FNBP1L: variants seen among roughly 807,000 people sequenced by gnomAD.
FNBP1L encodes the protein formin binding protein 1 like.
FNBP1L carries 36 observed loss-of-function variants against 91.2 expected under a neutral mutation model. The ratio of observed to expected loss-of-function variants is 0.39; its 90% CI spans 0.30 to 0.52. The LOEUF is 0.52. FNBP1L is among the 20% of genes least tolerant of loss of function. FNBP1L has a pLI of 0.66. For missense variants in FNBP1L, 571 were observed against 732.1 expected (o/e 0.78, Z 2.54); for synonymous variants, 242 against 237.0 (o/e 1.02, Z -0.19).
intron 1 of FNBP1L, among the ~76,000 whole-genome samples, chr1:93,482,439 A>T (rs1379729240): frequency 6.6e-6 from 1 of 151,440 alleles, no homozygotes. Context: ...AAATTTTTTT[A>T]TAAATATGCT....
chr1:93,448,365 C>G, intron 1 of FNBP1L, 60 bp downstream of exon 1: 1 of 1,454,232 alleles, frequency 6.9e-7, no homozygotes, highest in Non-Finnish European at 9.0e-7. Context: ...GCGGGTTGGG[C>G]GGGCGCCGCG....
At chr1:93,479,881 G>A (rs1457383856) in intron 1 of FNBP1L, among the ~76,000 whole-genome samples, 1 of 152,122 alleles carries the variant, frequency 6.6e-6, no homozygotes, top group Non-Finnish European at 1.5e-5. Flanking sequence ...GTGGTCCTGA[G>A]GTGACGTACA....
At chr1:93,543,104 A>C (rs1672106485) in intron 11 of FNBP1L, among the ~76,000 whole-genome samples, 1 of 152,132 alleles carries the variant, frequency 6.6e-6, no homozygotes, top group Non-Finnish European at 1.5e-5. Context: ...TTATTCTTAG[A>C]ATAACCATTT....
intron 15 of FNBP1L, 84 bp downstream of exon 15, chr1:93,549,510 A>G (rs1382520200): frequency 2.8e-6 from 3 of 1,059,012 alleles, no homozygotes; most frequent in Admixed American, 3.5e-5. Flanking sequence ...TAGTATCCTT[A>G]TTTAAGTAAT....
intron 1 of FNBP1L, among the ~76,000 whole-genome samples, chr1:93,473,046 G>A (rs1669360280): frequency 6.6e-6 from 1 of 151,988 alleles, no homozygotes; most frequent in African/African-American, 2.4e-5. Context: ...CTGGTTCACT[G>A]TTAGCAAATG....
intron 2 of FNBP1L, among the ~76,000 whole-genome samples, chr1:93,505,923 C>T (rs1012120452): frequency 6.6e-6 from 1 of 152,104 alleles, no homozygotes; most frequent in Non-Finnish European, 1.5e-5. Context: ...GTGATCCACC[C>T]GTCTTGGCCT....
intron 8 of FNBP1L, among the ~76,000 whole-genome samples, chr1:93,534,174 A>G (rs1175763709): frequency 6.6e-6 from 1 of 152,166 alleles, no homozygotes; most frequent in East Asian, 1.9e-4. Context: ...TTGCTCTGTT[A>G]ACATTCCACA....
chr1:93,550,440 G>A (rs571218982), intron 15 of FNBP1L, among the ~76,000 whole-genome samples: 3 of 152,260 alleles, frequency 2.0e-5, no homozygotes, highest in African/African-American at 7.2e-5. Flanking sequence ...GCGTGGTTGG[G>A]GATAGAGAGT....
At chr1:93,549,512 T>G in intron 15 of FNBP1L, 86 bp downstream of exon 15, 1 of 1,040,312 alleles carries the variant, frequency 9.6e-7, no homozygotes, top group Non-Finnish European at 1.3e-6. Context: ...GTATCCTTAT[T>G]TAAGTAATAT....
chr1:93,527,005 A>G (rs1156745187), intron 5 of FNBP1L, among the ~76,000 whole-genome samples: 1 of 152,160 alleles, frequency 6.6e-6, no homozygotes, highest in Non-Finnish European at 1.5e-5. Context: ...GATTTTATGT[A>G]TGAGTATTTA....
At chr1:93,529,035 G>A (rs1444596665) in intron 5 of FNBP1L, among the ~76,000 whole-genome samples, 3 of 151,922 alleles carry the variant, frequency 2.0e-5, no homozygotes, top group East Asian at 1.9e-4. Context: ...GATGTTCTTC[G>A]TGGGACACCT....
chr1:93,482,309 A>G lies in FNBP1L; in HGVS notation c.25-17159A>G, dbSNP rs74738233. On this transcript the variant is annotated intron_variant, in intron 1 of 16. Coordinates refer to ENST00000271234, the MANE Select transcript of FNBP1L (RefSeq NM_001164473.3). The stretch of plus-strand genomic sequence containing the variant: ...TACTTTTCTCCTAGTATATCTGTTA[A>G]TTATTACTGTAAACATATGATTTAT... Among the ~76,000 whole-genome samples the G allele has an allele frequency of 3.2e-3, 489 of 152,240 alleles. 2 individuals are homozygous for G. Among genetic ancestry groups the G allele is most frequent in the African/African-American group, 0.011 (466 of 41,540 alleles).
At chr1:93,527,195 A>C (rs759527060) in intron 5 of FNBP1L, among the ~76,000 whole-genome samples, 2 of 152,098 alleles carry the variant, frequency 1.3e-5, no homozygotes, top group Non-Finnish European at 2.9e-5. Flanking sequence ...GAACTACGAA[A>C]CCTCTTGGCT....
intron 2 of FNBP1L, among the ~76,000 whole-genome samples, chr1:93,519,238 A>G (rs1401811852): frequency 6.6e-6 from 1 of 152,124 alleles, no homozygotes; most frequent in African/African-American, 2.4e-5. Context: ...TTCCCCTCTT[A>G]CTTTTCACGT....
chr1:93,505,544 C>G (rs1053919944), intron 2 of FNBP1L, among the ~76,000 whole-genome samples: 1 of 152,172 alleles, frequency 6.6e-6, no homozygotes, highest in African/African-American at 2.4e-5. Flanking sequence ...GAGGAACAGG[C>G]TATGACCTAA....
rs946795787 is a variant in FNBP1L, at chr1:93,554,556, T to C, written c.*2140T>C. The C allele has an allele frequency of 9.2e-5, 14 of 152,630 alleles. No homozygotes were observed. Among genetic ancestry groups the C allele is most frequent in the African/African-American group, 3.4e-4 (14 of 41,448 alleles). 9.5% of individuals were successfully genotyped at this position (152,630 alleles called of 1,614,324 possible). A position where few individuals can be genotyped will look rare whatever the true frequency, so the allele number is the denominator to read the frequency against. On this transcript the variant is annotated 3_prime_UTR_variant, in exon 17 of 17. Coordinates refer to ENST00000271234, the MANE Select transcript of FNBP1L (RefSeq NM_001164473.3). The stretch of plus-strand genomic sequence containing the variant: ...TTAATTTTTTGGTAATTTTTACTCT[T>C]TTTGTGCACATGTTGATTTCTTAAT...
chr1:93,485,020 A>C (rs1669850268), intron 1 of FNBP1L, among the ~76,000 whole-genome samples: 1 of 152,266 alleles, frequency 6.6e-6, no homozygotes, highest in African/African-American at 2.4e-5. Context: ...GCATAGTGGC[A>C]CATACCTGTA....
chr1:93,483,720 C>T (rs1669797552), intron 1 of FNBP1L, among the ~76,000 whole-genome samples: 1 of 152,154 alleles, frequency 6.6e-6, no homozygotes, highest in Non-Finnish European at 1.5e-5. Context: ...TATGAGGTCA[C>T]TCTTTGGAGT....
intron 1 of FNBP1L, among the ~76,000 whole-genome samples, chr1:93,451,556 A>T (rs1165941013): frequency 6.6e-6 from 1 of 152,180 alleles, no homozygotes; most frequent in East Asian, 1.9e-4. Flanking sequence ...GTGCATATAA[A>T]TCTTTTTTAT....
Sources: allele counts gnomAD v4.1 joint callset (sites outside exome capture counted in the v4.1 genomes callset), GRCh38; gene constraint gnomAD v4.1.1; transcripts MANE v1.5; gene names NCBI Gene and HGNC (gene_info 2026-07-23, HGNC 2026-07-21).